Variants in FBN3 observed in about 807,000 individuals in gnomAD.
FBN3 encodes fibrillin-3.
In FBN3, 234 loss-of-function variants were observed where a neutral mutation model predicts 330.1. The observed-to-expected ratio is 0.71, with a 90% CI of 0.64 to 0.79. The LOEUF is 0.79. Ranked by LOEUF, FBN3 falls within the 30% of genes least tolerant of loss-of-function variation. The probability of loss-of-function intolerance (pLI) is 0.00; values close to 1 mark genes in which losing one functional copy is unlikely to be tolerated. For missense variants in FBN3, 3,606 were observed against 3,886.9 expected (o/e 0.93, Z 1.92); for synonymous variants, 1,458 against 1,517.3 (o/e 0.96, Z 0.91).
chr19:8,069,923 G>T (rs1399508497), intron 63 of FBN3, among the ~76,000 whole-genome samples: 1 of 152,172 alleles, frequency 6.6e-6, no homozygotes, highest in African/African-American at 2.4e-5. Context: ...GGCCAACATG[G>T]CGAAACCCCA....
Position 8,096,108 on chromosome 19 carries a change from C to A in FBN3, c.5540-28G>T. On this transcript the variant is annotated intron_variant, in intron 44 of 63. Transcript: ENST00000600128. The surrounding 1 kb of genome is among the most constrained non-coding windows in gnomAD (Gnocchi z 4.6). ...GCAGAAGCAAAGCCGAGAGCCCAAC[C>A]CAGCTCACCCAGGGCATTGGGGAAC... 1 of 1,552,476 alleles carries A rather than the reference C, an allele frequency of 6.4e-7. No individual in the cohort carries two copies. Among genetic ancestry groups the A allele is most frequent in the Non-Finnish European group, 8.9e-7 (1 of 1,124,248 alleles).
Position 8,133,049 on chromosome 19 carries a change from T to A in FBN3, c.1649A>T (p.Asp550Val), listed in dbSNP as rs2083187913. The A allele has an allele frequency of 6.3e-7, 1 of 1,586,500 alleles. No homozygotes were observed. The highest frequency in any genetic ancestry group is 1.8e-5 in the Admixed American group (1 of 55,486). The change falls in exon 14 of 64, where the codon GAT becomes GTT. Residue 550 changes from aspartate to valine, a missense_variant. Coordinates refer to ENST00000600128, the MANE Select transcript of FBN3 (RefSeq NM_032447.5). Reference sequence around the variant, plus strand: ...TTTGCAGAGGCAGGAGAAGCTGCCATCCTCGTTGAGACACACGCCGTTGAC... The same window carrying A: ...TTTGCAGAGGCAGGAGAAGCTGCCAACCTCGTTGAGACACACGCCGTTGAC... ...MCVNGVCLNE[D>V]GSFSCLCKPG... is the part of the protein sequence containing the mutation.
chr19:8,138,654 G>T, intron 8 of FBN3, 90 bp from the exon 9 acceptor site: 1 of 1,368,280 alleles, frequency 7.3e-7, no homozygotes, highest in Non-Finnish European at 9.9e-7. Context: ...ACTGCCTGTA[G>T]GACGGGTCTG....
chr19:8,074,932 C>T lies in FBN3; in HGVS notation c.7702+139G>A, dbSNP rs576373934. On this transcript the variant is annotated intron_variant, in intron 61 of 63. Transcript: ENST00000600128. ...CTTGACTCCCCAGCAGTGGGGAACT[C>T]ACTACCTTCTGGGCTGGCCTGTTCA... The T allele has an allele frequency of 3.4e-6, 4 of 1,172,158 alleles. No individual in the cohort carries two copies. In the African/African-American group the frequency reaches 6.2e-5, roughly 18 times the overall value. The allele number at this position is 1,172,158 out of a possible 1,614,324, so 72.6% of individuals were successfully genotyped here. A position where few individuals can be genotyped will look rare whatever the true frequency, so the allele number is the denominator to read the frequency against.
rs572865353 is a variant in FBN3, at chr19:8,129,597, G to C, written c.2045-232C>G. ...TGAGGGGCCATCCCACGCATTTTAGGATGTCGAGCAGCTCCCGTGGCCTCC... is the reference window on the plus strand; with the variant it reads ...TGAGGGGCCATCCCACGCATTTTAGCATGTCGAGCAGCTCCCGTGGCCTCC... On this transcript the variant is annotated intron_variant, in intron 16 of 63. Transcript: ENST00000600128. This position sits in a 1 kb window ranked among gnomAD's most constrained non-coding sequence, Gnocchi z 4.5. Among the ~76,000 whole-genome samples the C allele has an allele frequency of 9.2e-5, 14 of 152,208 alleles. No individual in the cohort carries two copies. In the East Asian group the frequency reaches 2.7e-3, roughly 29 times the overall value.
At position 8,144,371 on chromosome 19, in the gene FBN3, C is replaced by T. The variant is rs1047801974; in HGVS notation, c.541+506G>A. ...GAGATCATATCACTGCACTCTAGCC[C>T]GAAAGAGCAAAACTTTGTCTCAAAA... On this transcript the variant is annotated intron_variant, in intron 6 of 63. Transcript: ENST00000600128. Among the ~76,000 whole-genome samples, 11 of 149,480 alleles carry T rather than the reference C, an allele frequency of 7.4e-5. No individual in the cohort carries two copies. The East Asian group carries it at 2.2e-3, about 29-fold the overall frequency.
intron 24 of FBN3, among the ~76,000 whole-genome samples, chr19:8,122,669 G>GC (rs1468810869): frequency 5.8e-4 from 85 of 147,568 alleles, no homozygotes; most frequent in African/African-American, 2.0e-3. Context: ...ACCTGGCCCA[G>GC]CGCCCCCTTT....
At chr19:8,088,582 A>AGGGAATGAGTGAGTAAAGGG (rs958311569) in intron 51 of FBN3, among the ~76,000 whole-genome samples, 9 of 152,240 alleles carry the variant, frequency 5.9e-5, no homozygotes, top group Admixed American at 3.3e-4. Flanking sequence ...TAAATGAATA[A>AGGGAATGAGTGAGTAAAGGG]GGGAATGAGT....
At position 8,131,221 on chromosome 19, in the gene FBN3, T is replaced by C. The variant is rs960840895; in HGVS notation, c.2044+14A>G. 1 of 1,604,748 alleles carries C rather than the reference T, an allele frequency of 6.2e-7. No homozygotes were observed. Among genetic ancestry groups the C allele is most frequent in the Non-Finnish European group, 8.5e-7 (1 of 1,177,008 alleles). On this transcript the variant is annotated intron_variant, in intron 16 of 63. Coordinates refer to ENST00000600128, the MANE Select transcript of FBN3 (RefSeq NM_032447.5). The surrounding 1 kb of genome is among the most constrained non-coding windows in gnomAD (Gnocchi z 4.5). ...CAGGCTGGCTGCTGTTTGGAGGGGCTGGGCTCCACTTACCTCGACCATCCG... is the reference window on the plus strand; with the variant it reads ...CAGGCTGGCTGCTGTTTGGAGGGGCCGGGCTCCACTTACCTCGACCATCCG...
At chr19:8,102,009 G>T (rs1020087108) in intron 40 of FBN3, among the ~76,000 whole-genome samples, 6 of 152,118 alleles carry the variant, frequency 3.9e-5, no homozygotes, top group African/African-American at 1.4e-4. Context: ...GAGTCATGGG[G>T]GTGGGTCTTT....
intron 13 of FBN3, among the ~76,000 whole-genome samples, chr19:8,135,461 A>G (rs2083256244): frequency 6.6e-6 from 1 of 150,976 alleles, no homozygotes. Flanking sequence ...TGTATTTAGT[A>G]GAGATGGGGT....
Position 8,081,037 on chromosome 19 carries a change from C to A in FBN3, c.7419G>T (p.Pro2473=), listed in dbSNP as rs2303168. The change falls in exon 59 of 64, where the codon CCG becomes CCT. Residue 2473 remains proline, a synonymous_variant. Transcript: ENST00000600128. Reference sequence around the variant, plus strand: ...CCTGGTGGTGCTGGGTGAAGCCGGGCGGACAGCGGCAGGTGAAGGCGCCCA... The same window carrying A: ...CCTGGTGGTGCTGGGTGAAGCCGGGAGGACAGCGGCAGGTGAAGGCGCCCA... The part of the protein sequence containing the change: ...NTVGAFTCRC[P]PGFTQHHQAC... 1 of 1,612,850 alleles carries A rather than the reference C, an allele frequency of 6.2e-7. No homozygotes were observed. Among genetic ancestry groups the A allele is most frequent in the Admixed American group, 1.7e-5 (1 of 59,968 alleles).
chr19:8,129,177 G>T lies in FBN3; in HGVS notation c.2171-24C>A. On this transcript the variant is annotated intron_variant, in intron 17 of 63. Coordinates refer to ENST00000600128, the MANE Select transcript of FBN3 (RefSeq NM_032447.5). The surrounding 1 kb of genome is among the most constrained non-coding windows in gnomAD (Gnocchi z 4.5). ...GTCTGTGGGGTGGGGGTGGGAGAGA[G>T]GGGTGAGGGGTCTGCAGTGGGAGAG... 6.2e-7 allele frequency: 1 copy of T among 1,612,120 alleles called. No individual in the cohort carries two copies. Among genetic ancestry groups the T allele is most frequent in the South Asian group, 1.1e-5 (1 of 90,844 alleles).
chr19:8,081,287 T>A, intron 58 of FBN3, 71 bp downstream of exon 58: 1 of 1,544,446 alleles, frequency 6.5e-7, no homozygotes, highest in Non-Finnish European at 8.8e-7. Context: ...AGGGGACATG[T>A]CTTGGGCATC....
In FBN3 at chr19:8,121,365, G is replaced by A. The variant is rs200778633; in HGVS notation, c.3104C>T (p.Ser1035Phe). Residue 1035 changes from serine to phenylalanine, a missense_variant, in exon 25 of 64, where the codon TCT (serine) becomes TTT (phenylalanine). Coordinates refer to ENST00000600128, the MANE Select transcript of FBN3 (RefSeq NM_032447.5). This position sits in a 1 kb window ranked among gnomAD's most constrained non-coding sequence, Gnocchi z 4.5. ...NCTDIDECRISPDLCGQGTCV... is the reference protein window; with the variant it reads ...NCTDIDECRIFPDLCGQGTCV... ...GGTGCCCTGGCCGCAGAGGTCAGGA[G>A]AGATGCGACACTCGTCGATATCTGT... The A allele has an allele frequency of 7.1e-5, 114 of 1,610,416 alleles. 1 individual carries two copies. In the East Asian group the frequency reaches 1.5e-3, roughly 22 times the overall value.
Position 8,131,302 on chromosome 19 carries a change from G to C in FBN3, c.1991-14C>G, listed in dbSNP as rs1182966392. ...CCTGGAACTCAGCTGGGGATGGAGG[G>C]ACAGAGTGAGACGGGTCAGGGAGCT... On this transcript the variant is annotated splice_polypyrimidine_tract_variant and intron_variant, in intron 15 of 63. Coordinates refer to ENST00000600128, the MANE Select transcript of FBN3 (RefSeq NM_032447.5). The surrounding 1 kb of genome is among the most constrained non-coding windows in gnomAD (Gnocchi z 4.5). 1 of 1,611,176 alleles carries C rather than the reference G, an allele frequency of 6.2e-7. No individual in the cohort carries two copies.
intron 51 of FBN3, among the ~76,000 whole-genome samples, chr19:8,089,270 T>G (rs993498769): frequency 2.0e-5 from 3 of 151,546 alleles, no homozygotes; most frequent in African/African-American, 2.4e-5. Context: ...AGAAAATGAG[T>G]AAGTGAGTGA....
rs371624730 is a variant in FBN3, at chr19:8,138,183, C to T, written c.1159G>A (p.Ala387Thr). The change falls in exon 10 of 64, where the codon GCG becomes ACG. Residue 387 changes from alanine (A) to threonine (T), a missense_variant. Physicochemically the swap from Ala to Thr is moderately conservative, Grantham distance 58. Coordinates refer to ENST00000600128, the MANE Select transcript of FBN3 (RefSeq NM_032447.5). ...GGGCCCAGGCTGGGGATCCCACGCG[C>T]ATCAGAGCCATGGGGGTTGAGTCGC... The part of the protein sequence containing the change: ...PARLNPHGSD[A>T]RGIPSLGPGN... 19 of 1,613,000 alleles carry T rather than the reference C, an allele frequency of 1.2e-5. No individual in the cohort carries two copies. Among genetic ancestry groups the T allele is most frequent in the South Asian group, 3.3e-5 (3 of 90,958 alleles).
chr19:8,111,125 C>A lies in FBN3; in HGVS notation c.4143G>T (p.Ala1381=), dbSNP rs17160196. The part of the protein sequence containing the change: ...DLCDNGQCLN[A]PGGYRCECEM... ...CACATTCACAGCGGTACCCGCCGGG[C>A]GCATTGAGGCACTGCCCGTTGTCAC... The change falls in exon 33 of 64, where the codon GCG becomes GCT. Residue 1381 remains alanine (A), a synonymous_variant. Transcript: ENST00000600128. The A allele has an allele frequency of 6.8e-6, 11 of 1,612,866 alleles. No homozygotes were observed. Among genetic ancestry groups the A allele is most frequent in the Non-Finnish European group, 7.6e-6 (9 of 1,179,424 alleles).
Sources: allele counts gnomAD v4.1 joint callset (sites outside exome capture counted in the v4.1 genomes callset), GRCh38; gene constraint gnomAD v4.1.1; non-coding constraint Gnocchi (gnomAD v3.1); transcripts MANE v1.5; gene names NCBI Gene and HGNC (gene_info 2026-07-23, HGNC 2026-07-21).